The following EPOR variants were observed in gnomAD, a reference collection of about 807,000 sequenced individuals.
EPOR encodes the protein erythropoietin receptor.
A neutral mutation model predicts 34.3 loss-of-function variants in EPOR; 20 were observed. The observed-to-expected ratio is 0.58, with a 90% confidence interval of 0.41 to 0.85. The LOEUF is 0.85. Among genes scored for constraint, EPOR ranks in the 40% least tolerant of loss-of-function variants. The pLI, the probability that EPOR is intolerant of heterozygous loss-of-function variation, is 0.00. For synonymous variants in EPOR, 312 were observed against 299.0 expected, an observed-to-expected ratio of 1.04 and a Z score of -0.45; for missense variants, 601 against 672.7, an observed-to-expected ratio of 0.89 and a Z score of 1.18.
rs750797567 is a variant in EPOR at position 11,378,722 on chromosome 19, C to T, written c.884G>A (p.Gly295Asp). 6.2e-7 allele frequency: 1 copy of T among 1,614,172 alleles called. No individual in the cohort carries two copies. Among genetic ancestry groups the T allele is most frequent in the South Asian group, 1.1e-5 (1 of 91,076 alleles). Residue 295 changes from glycine (G) to aspartate (D), a missense_variant, in exon 7 of 8, where the codon GGC becomes GAC. Transcript: ENST00000222139. The surrounding 1 kb of genome is among the most constrained non-coding windows in gnomAD (Gnocchi z 5.3). ...GTTACCCTTGTGGGTGGTGAAGAGG[C>T]CTTCAAACTCGCTCTCTGGGCTCGG... ...GIPSPESEFE[G>D]LFTTHKGNFQ...
chr19:11,382,747 A>C, intron 2 of EPOR: 1 of 1,122,732 alleles, frequency 8.9e-7, no homozygotes, highest in Non-Finnish European at 1.2e-6. Context: ...TTCCGCCTCG[A>C]CCTTCCAAAG....
At position 11,383,548 on chromosome 19, in the gene EPOR, C is replaced by G. The variant is rs1319424308; in HGVS notation, c.116-316G>C. ...GCCCCGCCCCAGCCTAGGACACGCGCGCGGCTGGGGGTGTGTGCGGAGAGG... is the reference window on the plus strand; with the variant it reads ...GCCCCGCCCCAGCCTAGGACACGCGGGCGGCTGGGGGTGTGTGCGGAGAGG... On this transcript the variant is annotated intron_variant, in intron 1 of 7. Transcript: ENST00000222139. This position sits in a 1 kb window ranked among gnomAD's most constrained non-coding sequence, Gnocchi z 4.9. 1 of 313,964 alleles carries G rather than the reference C, an allele frequency of 3.2e-6. No individual in the cohort carries two copies. Among genetic ancestry groups the G allele is most frequent in the Non-Finnish European group, 6.0e-6 (1 of 168,042 alleles). 19.4% of individuals were successfully genotyped at this position (313,964 alleles called of 1,614,324 possible). A position where few individuals can be genotyped will look rare whatever the true frequency, so the allele number is the denominator to read the frequency against.
chr19:11,380,564 C>G (rs1216290593), intron 6 of EPOR, among the ~76,000 whole-genome samples: 2 of 152,196 alleles, frequency 1.3e-5, no homozygotes, highest in African/African-American at 4.8e-5. Flanking sequence ...CGGAGGCATT[C>G]AGGGTCTTAA....
chr19:11,383,045 C>G lies in EPOR; in HGVS notation c.251+52G>C. Reference sequence around the variant, plus strand: ...ACGAGGCTACGACCTCCAGGGAGCTCTGCCCCACCCCCTCCCTCCGCCCTT... The same window carrying G: ...ACGAGGCTACGACCTCCAGGGAGCTGTGCCCCACCCCCTCCCTCCGCCCTT... On this transcript the variant is annotated intron_variant, in intron 2 of 7. Transcript: ENST00000222139. The surrounding 1 kb of genome is among the most constrained non-coding windows in gnomAD (Gnocchi z 4.9). The G allele has an allele frequency of 6.2e-7, 1 of 1,611,442 alleles. No homozygotes were observed. Among genetic ancestry groups the G allele is most frequent in the Non-Finnish European group, 8.5e-7 (1 of 1,179,708 alleles).
At position 11,380,928 on chromosome 19, in the gene EPOR, G is replaced by T; in HGVS notation, c.783C>A (p.Val261=). The T allele has an allele frequency of 6.4e-7, 1 of 1,552,008 alleles. No individual in the cohort carries two copies. The highest frequency in any genetic ancestry group is 1.2e-5 in the South Asian group (1 of 84,072). ...CGAGCACGGTCAGCAGCACCAGGAT[G>T]ACCACGAGGATGAGGGAGAGCGTCA... ...LILTLSLILV[V]ILVLLTVLAL... Residue 261 remains valine (V), a synonymous_variant, in exon 6 of 8, where the codon GTC becomes GTA. Coordinates refer to ENST00000222139, the MANE Select transcript of EPOR (RefSeq NM_000121.4).
rs149300172 is a variant in EPOR, at chr19:11,378,278, G to C, written c.1233C>G (p.Ala411=). The part of the protein sequence containing the change: ...SEASSCSSAL[A]SKPSPEGASA... ...AGGCTCCCTCTGGGCTGGGCTTCGA[G>C]GCCAAAGCAGATGAGCAGGAGGATG... The change falls in exon 8 of 8, where the codon GCC becomes GCG. Residue 411 remains alanine, a synonymous_variant. Coordinates refer to ENST00000222139, the MANE Select transcript of EPOR (RefSeq NM_000121.4). This position sits in a 1 kb window ranked among gnomAD's most constrained non-coding sequence, Gnocchi z 5.3. 4 of 1,613,948 alleles carry C rather than the reference G, an allele frequency of 2.5e-6. No homozygotes were observed. Among genetic ancestry groups the C allele is most frequent in the Non-Finnish European group, 2.5e-6 (3 of 1,180,024 alleles).
Position 11,378,647 on chromosome 19 carries a change from A to C in EPOR, c.915+44T>G, listed in dbSNP as rs1212342567. 1 of 1,614,126 alleles carries C rather than the reference A, an allele frequency of 6.2e-7. No homozygotes were observed. The highest frequency in any genetic ancestry group is 1.1e-5 in the South Asian group (1 of 91,082). ...GAGAGGCCTGCAGTTTGGCTGCAAG[A>C]AGCAGGGAAGCCCAGGCACTGAGGG... On this transcript the variant is annotated intron_variant, in intron 7 of 7. Transcript: ENST00000222139. This position sits in a 1 kb window ranked among gnomAD's most constrained non-coding sequence, Gnocchi z 5.3.
In EPOR at chr19:11,377,656, GA is replaced by G. The variant is rs1568327779; in HGVS notation, c.*327del. 3.8e-6 allele frequency: 2 copies of G among 520,738 alleles called. No homozygotes were observed. Among genetic ancestry groups the G allele is most frequent in the South Asian group, 3.1e-5 (2 of 65,142 alleles). 32.3% of individuals were successfully genotyped at this position (520,738 alleles called of 1,614,324 possible). A position where few individuals can be genotyped will look rare whatever the true frequency, so the allele number is the denominator to read the frequency against. On this transcript the variant is annotated 3_prime_UTR_variant, in exon 8 of 8. Transcript: ENST00000222139. ...TGTTATGAGTAGCATTCAGATTGCA[GA>G]TCCAGCTTCTGAATAAGCTCAAGAA...
chr19:11,377,712 C>T lies in EPOR; in HGVS notation c.*272G>A, dbSNP rs753197605. 1.6e-6 allele frequency: 1 copy of T among 614,412 alleles called. No individual in the cohort carries two copies. The highest frequency in any genetic ancestry group is 1.5e-5 in the South Asian group (1 of 66,180). 38.1% of individuals were successfully genotyped at this position (614,412 alleles called of 1,614,324 possible). On this transcript the variant is annotated 3_prime_UTR_variant, in exon 8 of 8. Transcript: ENST00000222139. ...AACTTCTATCCCTATGGCCTATGCC[C>T]AGGGGAAGATGGGACTTAAAGGGTG...
Position 11,378,870 on chromosome 19 carries a change from A to G in EPOR, c.828-92T>C. On this transcript the variant is annotated intron_variant, in intron 6 of 7. Coordinates refer to ENST00000222139, the MANE Select transcript of EPOR (RefSeq NM_000121.4). This position sits in a 1 kb window ranked among gnomAD's most constrained non-coding sequence, Gnocchi z 5.3. The stretch of plus-strand genomic sequence containing the variant: ...CTCCCAGTCATAGAGGCACAGATAC[A>G]CTTGGTCCCTGTGATCACAATGGAG... 7.8e-7 allele frequency: 1 copy of G among 1,275,176 alleles called. No individual in the cohort carries two copies. 79.0% of individuals were successfully genotyped at this position (1,275,176 alleles called of 1,614,324 possible).
chr19:11,381,419 T>G lies in EPOR; in HGVS notation c.586-210A>C, dbSNP rs1968356612. ...ACGAAAGGGCGGGACCCGGGCAATTTAATATCTGGGCTAGCACTCGTAGAG... is the reference window on the plus strand; with the variant it reads ...ACGAAAGGGCGGGACCCGGGCAATTGAATATCTGGGCTAGCACTCGTAGAG... On this transcript the variant is annotated intron_variant, in intron 4 of 7. Coordinates refer to ENST00000222139, the MANE Select transcript of EPOR (RefSeq NM_000121.4). This position sits in a 1 kb window ranked among gnomAD's most constrained non-coding sequence, Gnocchi z 5.3. 2.9e-6 allele frequency: 2 copies of G among 688,278 alleles called. No homozygotes were observed. Among genetic ancestry groups the G allele is most frequent in the Non-Finnish European group, 4.9e-6 (2 of 410,910 alleles). The allele number at this position is 688,278 out of a possible 1,614,324, so 42.6% of individuals were successfully genotyped here.
chr19:11,382,868 AT>A (rs764402584), intron 2 of EPOR: 1 of 1,514,724 alleles, frequency 6.6e-7, no homozygotes. Context: ...AGGCGTTGTT[AT>A]CCCAGCCTGA....
At position 11,378,047 on chromosome 19, in the gene EPOR, A is replaced by G; in HGVS notation, c.1464T>C (p.Pro488=). The part of the protein sequence containing the change: ...GGLSDGPYSN[P]YENSLIPAAE... The stretch of plus-strand genomic sequence containing the variant: ...CGGCTGGGATAAGGCTGTTCTCATA[A>G]GGGTTGGAGTAGGGGCCATCGGATA... Residue 488 remains proline, a synonymous_variant, in exon 8 of 8, where the codon CCT becomes CCC. Coordinates refer to ENST00000222139, the MANE Select transcript of EPOR (RefSeq NM_000121.4). This position sits in a 1 kb window ranked among gnomAD's most constrained non-coding sequence, Gnocchi z 5.3. 1 of 1,614,122 alleles carries G rather than the reference A, an allele frequency of 6.2e-7. No homozygotes were observed. Among genetic ancestry groups the G allele is most frequent in the South Asian group, 1.1e-5 (1 of 91,078 alleles).
chr19:11,378,212 G>C lies in EPOR; in HGVS notation c.1299C>G (p.Ser433=). ...ACAGTGTCCATGGACGCAAGAGCTG[G>C]GAGCTGGGGTCCAGGATAGTGTACT... ...SFEYTILDPS[S]QLLRPWTLCP... The change falls in exon 8 of 8, where the codon TCC becomes TCG. Residue 433 remains serine (S), a synonymous_variant. Coordinates refer to ENST00000222139, the MANE Select transcript of EPOR (RefSeq NM_000121.4). This position sits in a 1 kb window ranked among gnomAD's most constrained non-coding sequence, Gnocchi z 5.3. The C allele has an allele frequency of 1.2e-6, 2 of 1,614,174 alleles. No individual in the cohort carries two copies. Among genetic ancestry groups the C allele is most frequent in the Non-Finnish European group, 1.7e-6 (2 of 1,180,032 alleles).
chr19:11,383,423 C>T lies in EPOR; in HGVS notation c.116-191G>A. The T allele has an allele frequency of 1.7e-6, 1 of 583,958 alleles. No homozygotes were observed. Among genetic ancestry groups the T allele is most frequent in the Non-Finnish European group, 3.0e-6 (1 of 337,924 alleles). 36.2% of individuals were successfully genotyped at this position (583,958 alleles called of 1,614,324 possible). ...CCCTAATTCCCAGGGGCAAGTTTCT[C>T]GCCTTACTGTCCCCCGCCGTCACCA... On this transcript the variant is annotated intron_variant, in intron 1 of 7. Transcript: ENST00000222139. This position sits in a 1 kb window ranked among gnomAD's most constrained non-coding sequence, Gnocchi z 4.9.
chr19:11,380,292 C>T (rs1322835173), intron 6 of EPOR, among the ~76,000 whole-genome samples: 1 of 152,204 alleles, frequency 6.6e-6, no homozygotes, highest in South Asian at 2.1e-4. Context: ...TGGTCAGGGT[C>T]TAGCTTGTTC....
chr19:11,382,825 C>T (rs1044068200), intron 2 of EPOR: 6 of 1,443,562 alleles, frequency 4.2e-6, no homozygotes, highest in Non-Finnish European at 4.6e-6. Flanking sequence ...GGCGTCCCAG[C>T]CCCGACGTAG....
At chr19:11,379,425 T>G (rs1376699251) in intron 6 of EPOR, among the ~76,000 whole-genome samples, 2 of 151,994 alleles carry the variant, frequency 1.3e-5, no homozygotes, top group African/African-American at 4.8e-5. Context: ...CTACTAAAAC[T>G]ACAAAATTAG....
Position 11,377,959 on chromosome 19 carries a change from C to T in EPOR, c.*25G>A, listed in dbSNP as rs988547452. ...ACTGGTTCTCTGAGTCATATTGGAT[C>T]CCTGATCATCTGCAGCCTGGTGTCC... On this transcript the variant is annotated 3_prime_UTR_variant, in exon 8 of 8. Coordinates refer to ENST00000222139, the MANE Select transcript of EPOR (RefSeq NM_000121.4). 5.0e-6 allele frequency: 8 copies of T among 1,613,438 alleles called. No homozygotes were observed. The African/African-American group carries it at 1.1e-4, about 22-fold the overall frequency.
Sources: gnomAD v4.1 joint callset for allele counts (sites outside exome capture counted in the v4.1 genomes callset) on GRCh38, gnomAD v4.1.1 for gene constraint, Gnocchi (gnomAD v3.1) non-coding constraint, MANE v1.5 for transcripts, NCBI Gene and HGNC (gene_info 2026-07-23, HGNC 2026-07-21) for gene names.